Variants in PMM2 observed in about 807,000 individuals in gnomAD.
PMM2 encodes the protein phosphomannomutase 2.
Under a neutral mutation model 33.2 loss-of-function variants are expected in PMM2, and 35 were observed. The observed-to-expected ratio is 1.06, with a 90% CI of 0.81 to 1.40. The LOEUF is 1.40. PMM2 is among the 40% of genes most tolerant of loss of function. The pLI is 0.00. For synonymous variants in PMM2, 153 were observed against 114.7 expected, an observed-to-expected ratio of 1.33 and a Z score of -2.13; for missense variants, 386 against 306.0, an observed-to-expected ratio of 1.26 and a Z score of -1.95.
chr16:8,849,223 G>C lies in PMM2; in HGVS notation c.*1398G>C, dbSNP rs755867941. 6.6e-6 allele frequency: 1 copy of C among 152,398 alleles called. No individual in the cohort carries two copies. Among genetic ancestry groups the C allele is most frequent in the Non-Finnish European group, 1.5e-5 (1 of 68,130 alleles). 9.4% of individuals were successfully genotyped at this position (152,398 alleles called of 1,614,324 possible). Reference sequence around the variant, plus strand: ...GGGTGAAAGCAGCCAGCTCATCCCAGTGACTCACAGGACACAGCCATCCAG... The same window carrying C: ...GGGTGAAAGCAGCCAGCTCATCCCACTGACTCACAGGACACAGCCATCCAG... On this transcript the variant is annotated 3_prime_UTR_variant, in exon 8 of 8. Coordinates refer to ENST00000268261, the MANE Select transcript of PMM2 (RefSeq NM_000303.3).
intron 7 of PMM2, among the ~76,000 whole-genome samples, chr16:8,838,788 A>C (rs1316526908): frequency 6.6e-6 from 1 of 152,082 alleles, no homozygotes; most frequent in Non-Finnish European, 1.5e-5. Context: ...GGTTCAGCGT[A>C]ATTACTTGCT....
Position 8,797,895 on chromosome 16 carries a change from GGCCCAGCGCTCT to G in PMM2, c.17_28del (p.Pro6_Cys9del), listed in dbSNP as rs1278487078. Reference sequence around the variant, plus strand: ...AGAAACTGGGGACATGGCAGCGCCTGGCCCAGCGCTCTGCCTCTTCGACGTGGATGGGACCCT... The same window carrying G: ...AGAAACTGGGGACATGGCAGCGCCTGGCCTCTTCGACGTGGATGGGACCCT... On this transcript the variant is annotated inframe_deletion, in exon 1 of 8. Coordinates refer to ENST00000268261, the MANE Select transcript of PMM2 (RefSeq NM_000303.3). The G allele has an allele frequency of 6.2e-7, 1 of 1,611,508 alleles. No individual in the cohort carries two copies. The highest frequency in any genetic ancestry group is 1.7e-5 in the Admixed American group (1 of 59,764).
intron 7 of PMM2, among the ~76,000 whole-genome samples, chr16:8,839,806 G>A (rs1049657026): frequency 2.6e-5 from 4 of 151,702 alleles, no homozygotes; most frequent in African/African-American, 7.3e-5. Flanking sequence ...GGTCTTTGCC[G>A]AGAGATACAT....
At chr16:8,835,592 T>C (rs2060840538) in intron 7 of PMM2, among the ~76,000 whole-genome samples, 1 of 151,570 alleles carries the variant, frequency 6.6e-6, no homozygotes, top group Admixed American at 6.6e-5. Flanking sequence ...ACGGGGTGGA[T>C]AGGCAAAACA....
At position 8,847,920 on chromosome 16, in the gene PMM2, C is replaced by A; in HGVS notation, c.*95C>A. The A allele has an allele frequency of 1.1e-6, 1 of 903,928 alleles. No homozygotes were observed. The highest frequency in any genetic ancestry group is 1.8e-6 in the Non-Finnish European group (1 of 561,184). The allele number at this position is 903,928 out of a possible 1,614,324, so 56.0% of individuals were successfully genotyped here. On this transcript the variant is annotated 3_prime_UTR_variant, in exon 8 of 8. Coordinates refer to ENST00000268261, the MANE Select transcript of PMM2 (RefSeq NM_000303.3). ...GTCCTCCCACACGTGCTCACCCACC[C>A]GCAGCCTAGGCAGGCTCTGCATGCT...
At chr16:8,821,115 T>C (rs2060737107) in intron 7 of PMM2, among the ~76,000 whole-genome samples, 1 of 152,176 alleles carries the variant, frequency 6.6e-6, no homozygotes, top group Non-Finnish European at 1.5e-5. Context: ...TGGGACCACA[T>C]GATTTGAGAC....
chr16:8,815,556 AT>A (rs1367749480), intron 7 of PMM2, among the ~76,000 whole-genome samples: 2 of 141,038 alleles, frequency 1.4e-5, no homozygotes, highest in East Asian at 4.2e-4. Context: ...TTCTTGATCC[AT>A]TCTTCTGTCA....
At chr16:8,847,377 T>TGA (rs2060933539) in intron 7 of PMM2, among the ~76,000 whole-genome samples, 1 of 140,812 alleles carries the variant, frequency 7.1e-6, no homozygotes, top group East Asian at 2.1e-4. Flanking sequence ...TAGGTACAGC[T>TGA]AAAAAAAAAA....
At chr16:8,846,761 C>G (rs904620159) in intron 7 of PMM2, among the ~76,000 whole-genome samples, 2 of 152,200 alleles carry the variant, frequency 1.3e-5, no homozygotes, top group African/African-American at 4.8e-5. Flanking sequence ...GGGGAGTTGG[C>G]GCAGCCACAC....
At chr16:8,840,131 G>A (rs2060880208) in intron 7 of PMM2, among the ~76,000 whole-genome samples, 1 of 151,838 alleles carries the variant, frequency 6.6e-6, no homozygotes, top group Non-Finnish European at 1.5e-5. Flanking sequence ...GTTCACTAAG[G>A]AGGGATTAGA....
At chr16:8,824,892 AT>A (rs2060758127) in intron 7 of PMM2, among the ~76,000 whole-genome samples, 4 of 152,016 alleles carry the variant, frequency 2.6e-5, no homozygotes, top group Admixed American at 1.3e-4. Flanking sequence ...TCTTTCTTTT[AT>A]TTTTTTTAAT....
rs2060941912 is a variant in PMM2 at position 8,848,223 on chromosome 16, GCCC to G, written c.*400_*402del. On this transcript the variant is annotated 3_prime_UTR_variant, in exon 8 of 8. Transcript: ENST00000268261. ...GAAACATAAGCGGTTTTTTTAATGG[GCCC>G]CTGCATCAATACCAAACATGGGGGT... 4.3e-6 allele frequency: 1 copy of G among 233,628 alleles called. No individual in the cohort carries two copies. Among genetic ancestry groups the G allele is most frequent in the South Asian group, 5.5e-5 (1 of 18,312 alleles). 14.5% of individuals were successfully genotyped at this position (233,628 alleles called of 1,614,324 possible).
intron 7 of PMM2, among the ~76,000 whole-genome samples, chr16:8,843,213 C>T (rs1311999915): frequency 3.9e-5 from 6 of 152,070 alleles, no homozygotes; most frequent in Non-Finnish European, 8.8e-5. Flanking sequence ...GAAACAGGCC[C>T]TTGAAAAGAA....
intron 5 of PMM2, 70 bp from the exon 6 acceptor site, chr16:8,811,568 G>T: frequency 2.2e-6 from 2 of 924,964 alleles, no homozygotes; most frequent in East Asian, 4.8e-5. Flanking sequence ...TACCTTTGTG[G>T]CCAGTAGTTA....
At chr16:8,832,384 GA>G in intron 7 of PMM2, 1 of 985,412 alleles carries the variant, frequency 1.0e-6, no homozygotes, top group Non-Finnish European at 1.2e-6. Flanking sequence ...TGATTCTCCA[GA>G]CCTAGCTTTA....
Position 8,847,850 on chromosome 16 carries a change from C to G in PMM2, c.*25C>G, listed in dbSNP as rs746700086. Reference sequence around the variant, plus strand: ...ACGTGGGAGCGGGAGGGGCGGGGTCCCGGCTGACAAGCCAGCATAGGGCAT... The same window carrying G: ...ACGTGGGAGCGGGAGGGGCGGGGTCGCGGCTGACAAGCCAGCATAGGGCAT... On this transcript the variant is annotated 3_prime_UTR_variant, in exon 8 of 8. Transcript: ENST00000268261. 1.9e-6 allele frequency: 3 copies of G among 1,568,890 alleles called. No homozygotes were observed. Among genetic ancestry groups the G allele is most frequent in the East Asian group, 2.2e-5 (1 of 44,672 alleles).
chr16:8,839,459 C>T (rs1455537941), intron 7 of PMM2, among the ~76,000 whole-genome samples: 2 of 151,758 alleles, frequency 1.3e-5, no homozygotes, highest in Non-Finnish European at 2.9e-5. Flanking sequence ...GGGGGAGGTT[C>T]GATTTTCATG....
intron 1 of PMM2, among the ~76,000 whole-genome samples, chr16:8,799,422 T>C (rs972090524): frequency 2.0e-5 from 3 of 152,214 alleles, no homozygotes; most frequent in Non-Finnish European, 4.4e-5. Flanking sequence ...GGTACAAGTC[T>C]CTGGGCCTCA....
chr16:8,832,965 C>CCCCGACCACACCACCGGCT, intron 7 of PMM2: 3 of 963,684 alleles, frequency 3.1e-6, no homozygotes, highest in Non-Finnish European at 2.5e-6. Flanking sequence ...TGACTGGTCT[C>CCCCGACCACACCACCGGCT]CCCAGGGCAG....
Sources: allele counts gnomAD v4.1 joint callset (sites outside exome capture counted in the v4.1 genomes callset), GRCh38; gene constraint gnomAD v4.1.1; transcripts MANE v1.5; gene names NCBI Gene and HGNC (gene_info 2026-07-23, HGNC 2026-07-21).